ALG5: variants seen among roughly 807,000 people sequenced by gnomAD.
ALG5 encodes dolichyl-phosphate beta-glucosyltransferase.
ALG5 carries 26 observed loss-of-function variants against 51.8 expected under a neutral mutation model. That is an observed-to-expected ratio of 0.50 (90% CI 0.37 to 0.70). The LOEUF (loss-of-function observed/expected upper bound fraction) is 0.70, where lower values mean the gene tolerates loss of function less well. Ranked by LOEUF, ALG5 falls within the 30% of genes least tolerant of loss-of-function variation. ALG5 has a pLI of 0.00. For missense variants in ALG5, 311 were observed against 399.3 expected, an observed-to-expected ratio of 0.78 and a Z score of 1.88; for synonymous variants, 141 against 136.1, an observed-to-expected ratio of 1.04 and a Z score of -0.25.
At chr13:36,966,467 C>A (rs551567393) in intron 7 of ALG5, among the ~76,000 whole-genome samples, 1 of 152,142 alleles carries the variant, frequency 6.6e-6, no homozygotes, top group Non-Finnish European at 1.5e-5. Context: ...CAGACTTTCA[C>A]ATTTAAGATT....
At chr13:36,967,300 G>A (rs907235384) in intron 7 of ALG5, among the ~76,000 whole-genome samples, 10 of 151,716 alleles carry the variant, frequency 6.6e-5, no homozygotes, top group South Asian at 2.1e-4. Flanking sequence ...TCCTGGCTCC[G>A]TTACTAATTA....
chr13:36,955,057 G>A (rs1322186986), intron 8 of ALG5, among the ~76,000 whole-genome samples: 1 of 152,218 alleles, frequency 6.6e-6, no homozygotes, highest in Non-Finnish European at 1.5e-5. Context: ...GAAGACACAG[G>A]TGGGGCTGCA....
Position 36,971,825 on chromosome 13 carries a change from A to C in ALG5, c.621+152T>G, listed in dbSNP as rs1017992098. ...TTCTAAAATGTGCCAATCCTTCATAACCTTTCCACAATTAAAACATTAATT... is the reference window on the plus strand; with the variant it reads ...TTCTAAAATGTGCCAATCCTTCATACCCTTTCCACAATTAAAACATTAATT... On this transcript the variant is annotated intron_variant, in intron 7 of 9. Coordinates refer to ENST00000239891, the MANE Select transcript of ALG5 (RefSeq NM_013338.5). The C allele has an allele frequency of 1.7e-5, 10 of 580,266 alleles. No individual in the cohort carries two copies. The African/African-American group carries it at 1.9e-4, about 11-fold the overall frequency. The allele number at this position is 580,266 out of a possible 1,614,324, so 35.9% of individuals were successfully genotyped here.
intron 7 of ALG5, chr13:36,967,906 G>A (rs947520209): frequency 1.6e-5 from 11 of 704,400 alleles, no homozygotes; most frequent in African/African-American, 1.5e-4. Context: ...GATTTTTAAT[G>A]TGATTTGAGT....
intron 6 of ALG5, among the ~76,000 whole-genome samples, chr13:36,973,791 C>T (rs2058937215): frequency 6.6e-6 from 1 of 152,094 alleles, no homozygotes; most frequent in South Asian, 2.1e-4. Flanking sequence ...ACAGAGTACA[C>T]AAAAGAGGAA....
intron 6 of ALG5, among the ~76,000 whole-genome samples, chr13:36,982,840 TA>T (rs1304814038): frequency 1.3e-5 from 2 of 152,222 alleles, no homozygotes; most frequent in Non-Finnish European, 2.9e-5. Context: ...TAAAACTTAC[TA>T]AATTTAATTC....
At chr13:36,970,715 C>T (rs966217095) in intron 7 of ALG5, among the ~76,000 whole-genome samples, 1 of 152,156 alleles carries the variant, frequency 6.6e-6, no homozygotes, top group African/African-American at 2.4e-5. Flanking sequence ...GAGTTTGAGA[C>T]CAGCTTGGCC....
At chr13:36,973,339 C>T (rs1360165686) in intron 6 of ALG5, among the ~76,000 whole-genome samples, 1 of 152,086 alleles carries the variant, frequency 6.6e-6, no homozygotes, top group Non-Finnish European at 1.5e-5. Flanking sequence ...TACACAAAGC[C>T]ATATGAGTAC....
At chr13:36,969,666 C>G (rs1490399611) in intron 7 of ALG5, among the ~76,000 whole-genome samples, 1 of 152,046 alleles carries the variant, frequency 6.6e-6, no homozygotes, top group Non-Finnish European at 1.5e-5. Context: ...TCCCAAGTAG[C>G]TGGGATTACA....
chr13:36,954,931 T>G (rs983083602), intron 8 of ALG5, among the ~76,000 whole-genome samples: 3 of 151,742 alleles, frequency 2.0e-5, no homozygotes, highest in African/African-American at 7.3e-5. Flanking sequence ...GAAATGATAA[T>G]AAAAATAAAA....
intron 4 of ALG5, among the ~76,000 whole-genome samples, chr13:36,990,253 T>C (rs1252772173): frequency 6.6e-6 from 1 of 152,216 alleles, no homozygotes; most frequent in Non-Finnish European, 1.5e-5. Flanking sequence ...CTGCATTTCA[T>C]CACCCATTTA....
chr13:36,986,075 T>C (rs2059000576), intron 5 of ALG5, among the ~76,000 whole-genome samples: 1 of 152,216 alleles, frequency 6.6e-6, no homozygotes, highest in Non-Finnish European at 1.5e-5. Flanking sequence ...ATTATATGTT[T>C]ATCGTGTCAT....
chr13:36,983,554 T>A (rs2058988861), intron 6 of ALG5, among the ~76,000 whole-genome samples: 1 of 121,278 alleles, frequency 8.2e-6, no homozygotes, highest in South Asian at 3.1e-4. Flanking sequence ...GGCAACACAG[T>A]AAGACCTTAT....
chr13:36,993,503 A>G, intron 4 of ALG5, 101 bp downstream of exon 4: 1 of 970,714 alleles, frequency 1.0e-6, no homozygotes, highest in Non-Finnish European at 1.6e-6. Context: ...AGTGTTAGGC[A>G]CAGCTTTAGG....
chr13:36,980,841 G>A (rs772483771), intron 6 of ALG5, among the ~76,000 whole-genome samples: 14 of 152,054 alleles, frequency 9.2e-5, no homozygotes, highest in Non-Finnish European at 1.3e-4. Context: ...TGGCGTGGTG[G>A]TGCGTGCCTG....
intron 3 of ALG5, 113 bp downstream of exon 3, chr13:36,994,876 G>T: frequency 1.2e-6 from 1 of 863,242 alleles, no homozygotes; most frequent in Middle Eastern, 3.2e-4. Flanking sequence ...GTGGCCCAGC[G>T]ATCGGGGTGC....
Position 36,969,636 on chromosome 13 carries a change from G to A in ALG5, c.621+2341C>T, listed in dbSNP as rs188707873. On this transcript the variant is annotated intron_variant, in intron 7 of 9. Transcript: ENST00000239891. ...TGCAACCTCTGCCTCCCGGGTTCAC[G>A]TGATTCTCCTGCCTCAGTCTCCCAA... 1.6e-4 allele frequency among the ~76,000 whole-genome samples: 25 copies of A among 152,140 alleles called. No individual in the cohort carries two copies. In the East Asian group the frequency reaches 4.1e-3, roughly 25 times the overall value.
At chr13:36,971,947 G>A in intron 7 of ALG5, 30 bp downstream of exon 7, 3 of 1,561,588 alleles carry the variant, frequency 1.9e-6, no homozygotes, top group Non-Finnish European at 2.6e-6. Context: ...CAATTAATTG[G>A]CTGTCCCATG....
chr13:36,993,683 C>A lies in ALG5; in HGVS notation c.286-11G>T. ...CGCAGGATCTCGTTTCTGCAAGAAA[C>A]AAAAATAAAGTAATACAATTTGGCA... On this transcript the variant is annotated splice_polypyrimidine_tract_variant and intron_variant, in intron 3 of 9. Transcript: ENST00000239891. 6.2e-7 allele frequency: 1 copy of A among 1,610,960 alleles called. No homozygotes were observed. Among genetic ancestry groups the A allele is most frequent in the Non-Finnish European group, 8.5e-7 (1 of 1,178,402 alleles).
Sources: gnomAD v4.1 joint callset for allele counts (sites outside exome capture counted in the v4.1 genomes callset) on GRCh38, gnomAD v4.1.1 for gene constraint, MANE v1.5 for transcripts, NCBI Gene and HGNC (gene_info 2026-07-23, HGNC 2026-07-21) for gene names.